The following FAM13C variants were observed in gnomAD, a reference collection of about 807,000 sequenced individuals.
The protein encoded by FAM13C is protein FAM13C.
FAM13C carries 37 observed loss-of-function variants against 73.2 expected under a neutral mutation model. The ratio of observed to expected loss-of-function variants is 0.51; its 90% CI spans 0.39 to 0.67. The LOEUF (loss-of-function observed/expected upper bound fraction) is 0.67. Ranked by LOEUF, FAM13C falls within the 30% of genes least tolerant of loss-of-function variation. The pLI is 0.00. For synonymous variants in FAM13C, 246 were observed against 260.9 expected, an observed-to-expected ratio of 0.94 and a Z score of 0.55; for missense variants, 589 against 715.6, an observed-to-expected ratio of 0.82 and a Z score of 2.02.
intron 7 of FAM13C, among the ~76,000 whole-genome samples, chr10:59,269,197 C>T (rs935500728): frequency 1.6e-4 from 24 of 151,872 alleles, no homozygotes; most frequent in African/African-American, 5.6e-4. Flanking sequence ...TCAGGTCCAT[C>T]GATAGATAGT....
intron 5 of FAM13C, among the ~76,000 whole-genome samples, chr10:59,302,499 A>C (rs1158205816): frequency 1.3e-5 from 2 of 152,214 alleles, no homozygotes; most frequent in African/African-American, 4.8e-5. Flanking sequence ...TGCAAATGTT[A>C]ACTGTCATCG....
At chr10:59,357,398 T>A (rs1419285282) in intron 1 of FAM13C, among the ~76,000 whole-genome samples, 3 of 152,228 alleles carry the variant, frequency 2.0e-5, no homozygotes, top group African/African-American at 7.2e-5. Flanking sequence ...TAGAAATAAC[T>A]GTAATTTATT....
intron 10 of FAM13C, 117 bp downstream of exon 10, chr10:59,262,317 G>T: frequency 1.1e-6 from 1 of 893,516 alleles, no homozygotes; most frequent in Non-Finnish European, 1.7e-6. Context: ...CTGAAATTTT[G>T]GAGCCAGGCT....
intron 1 of FAM13C, among the ~76,000 whole-genome samples, 162 bp downstream of exon 1, chr10:59,362,237 G>A (rs181508746): frequency 6.6e-6 from 1 of 152,146 alleles, no homozygotes; most frequent in African/African-American, 2.4e-5. Flanking sequence ...AAAGATTTCT[G>A]GGCCCCACCA....
intron 4 of FAM13C, among the ~76,000 whole-genome samples, chr10:59,310,897 T>G (rs1848839094): frequency 6.6e-6 from 1 of 152,118 alleles, no homozygotes; most frequent in Non-Finnish European, 1.5e-5. Context: ...GATGATGACA[T>G]ATAGTTAAGA....
chr10:59,351,261 G>A (rs886138734), intron 3 of FAM13C, among the ~76,000 whole-genome samples: 6 of 150,900 alleles, frequency 4.0e-5, no homozygotes, highest in Non-Finnish European at 5.9e-5. Flanking sequence ...TGAACCCGGC[G>A]GTGGAGGTTG....
chr10:59,247,596 C>T lies in FAM13C; in HGVS notation c.*18G>A. 3.7e-6 allele frequency: 6 copies of T among 1,612,966 alleles called. No homozygotes were observed. The highest frequency in any genetic ancestry group is 5.1e-6 in the Non-Finnish European group (6 of 1,179,458). On this transcript the variant is annotated 3_prime_UTR_variant, in exon 14 of 14. Transcript: ENST00000618804. ...ACTTTATATCATGGGTGAAAGTGAT[C>T]ATAACATTTCCTGAACCTCAAATAG... is the stretch of plus-strand genomic sequence containing the variant.
chr10:59,280,798 A>T (rs899913382), intron 6 of FAM13C, among the ~76,000 whole-genome samples: 3 of 152,190 alleles, frequency 2.0e-5, no homozygotes, highest in African/African-American at 7.2e-5. Context: ...GTCTCTTACT[A>T]GGTGGAACTG....
intron 6 of FAM13C, among the ~76,000 whole-genome samples, chr10:59,271,202 C>G (rs1843682335): frequency 6.6e-6 from 1 of 152,180 alleles, no homozygotes; most frequent in African/African-American, 2.4e-5. Context: ...AAGGGGAAAA[C>G]AAAAGATTTT....
At chr10:59,293,672 C>G (rs981936516) in intron 5 of FAM13C, among the ~76,000 whole-genome samples, 1 of 152,066 alleles carries the variant, frequency 6.6e-6, no homozygotes, top group Non-Finnish European at 1.5e-5. Flanking sequence ...CTTCAGAAGG[C>G]CAAAAATGTC....
At chr10:59,353,912 T>G (rs929673375) in intron 2 of FAM13C, among the ~76,000 whole-genome samples, 4 of 152,190 alleles carry the variant, frequency 2.6e-5, no homozygotes, top group African/African-American at 9.7e-5. Flanking sequence ...GTGAGATCAT[T>G]TACAATTAAA....
intron 5 of FAM13C, among the ~76,000 whole-genome samples, chr10:59,286,516 A>AATATATATAT (rs1159774665): frequency 0.019 from 2,146 of 110,840 alleles, 88 homozygotes; most frequent in Non-Finnish European, 0.023. Context: ...CTCCATCTCA[A>AATATATATAT]ATATATATAT....
At chr10:59,286,020 C>G (rs1401666414) in intron 5 of FAM13C, among the ~76,000 whole-genome samples, 1 of 152,120 alleles carries the variant, frequency 6.6e-6, no homozygotes, top group African/African-American at 2.4e-5. Flanking sequence ...CCCAAGTGTC[C>G]ATGAGCGGAT....
At chr10:59,319,418 C>T (rs1849933737) in intron 4 of FAM13C, among the ~76,000 whole-genome samples, 1 of 152,186 alleles carries the variant, frequency 6.6e-6, no homozygotes, top group Non-Finnish European at 1.5e-5. Context: ...AGGTCTTTAA[C>T]AACATTAAAG....
chr10:59,269,682 A>G (rs908114715), intron 7 of FAM13C, among the ~76,000 whole-genome samples: 3 of 152,236 alleles, frequency 2.0e-5, no homozygotes, highest in African/African-American at 4.8e-5. Context: ...CCGCTGGGCT[A>G]TCCTGTCTCT....
intron 3 of FAM13C, among the ~76,000 whole-genome samples, chr10:59,335,191 T>C (rs1852557491): frequency 6.6e-6 from 1 of 152,182 alleles, no homozygotes; most frequent in Non-Finnish European, 1.5e-5. Flanking sequence ...CAGCCACAAG[T>C]AGAATATATT....
chr10:59,258,594 G>A (rs1431393663), intron 10 of FAM13C, among the ~76,000 whole-genome samples: 4 of 152,100 alleles, frequency 2.6e-5, no homozygotes, highest in Admixed American at 2.6e-4. Flanking sequence ...ACCTGCTTGG[G>A]GTGGGAGACC....
intron 3 of FAM13C, among the ~76,000 whole-genome samples, chr10:59,340,106 G>A (rs1257399937): frequency 6.6e-6 from 1 of 152,126 alleles, no homozygotes; most frequent in Admixed American, 6.5e-5. Flanking sequence ...GCAATCAGAT[G>A]CTGTAATAAA....
At chr10:59,341,811 T>C (rs1474626964) in intron 3 of FAM13C, among the ~76,000 whole-genome samples, 2 of 152,052 alleles carry the variant, frequency 1.3e-5, no homozygotes, top group African/African-American at 4.8e-5. Flanking sequence ...ATGAGCTTTG[T>C]TGGGTGGGAA....
Sources: gnomAD v4.1 joint callset for allele counts (sites outside exome capture counted in the v4.1 genomes callset) on GRCh38, gnomAD v4.1.1 for gene constraint, MANE v1.5 for transcripts, NCBI Gene and HGNC (gene_info 2026-07-23, HGNC 2026-07-21) for gene names.